The following HOXC6 variants were observed in gnomAD, a reference collection of about 807,000 sequenced individuals.
HOXC6 encodes homeobox protein Hox-C6.
HOXC6 carries 10 observed loss-of-function variants against 24.0 expected under a neutral mutation model. The observed-to-expected ratio is 0.42, with a 90% CI of 0.26 to 0.71. The LOEUF is 0.71. Ranked by LOEUF, HOXC6 falls within the 30% of genes least tolerant of loss-of-function variation. The pLI is 0.28. For missense variants in HOXC6, 258 were observed against 303.4 expected (o/e 0.85, Z 1.11); for synonymous variants, 123 against 128.1 (o/e 0.96, Z 0.27).
At chr12:54,021,510 A>C (rs1385375813) in intron 1 of HOXC6, 2 of 152,194 alleles carry the variant, frequency 1.3e-5, no homozygotes, top group African/African-American at 4.8e-5. Flanking sequence ...GGAAATATCA[A>C]TGTCAGTGGA....
At position 54,028,578 on chromosome 12, in the gene HOXC6, C is replaced by T; in HGVS notation, c.57C>T (p.Asp19=). 6.2e-7 allele frequency: 1 copy of T among 1,614,070 alleles called. No homozygotes were observed. The highest frequency in any genetic ancestry group is 8.5e-7 in the Non-Finnish European group (1 of 1,180,004). The change falls in exon 1 of 2, where the codon GAC becomes GAT. Residue 19 remains aspartate, a synonymous_variant. Transcript: ENST00000243108. ...SLSCHLAGGQ[D]VLPNVALNST... ...CCTGCCACCTCGCCGGGGGCCAGGA[C>T]GTCCTCCCCAACGTCGCCCTCAATT...
At chr12:54,024,879 CT>C (rs1332904102), upstream of HOXC6, among the ~76,000 whole-genome samples, 3 of 152,230 alleles carry the variant, frequency 2.0e-5, no homozygotes, top group African/African-American at 7.2e-5. Context: ...ATAATTAGCG[CT>C]ATCAAAAGCA....
upstream of HOXC6, among the ~76,000 whole-genome samples, chr12:54,024,047 T>C (rs1940569451): frequency 6.6e-6 from 1 of 152,246 alleles, no homozygotes. Context: ...AGTCTAATCA[T>C]AGACCAATCG....
At position 54,029,967 on chromosome 12, in the gene HOXC6, G is replaced by C; in HGVS notation, c.*5G>C. The C allele has an allele frequency of 1.3e-6, 2 of 1,538,780 alleles. No individual in the cohort carries two copies. The highest frequency in any genetic ancestry group is 1.8e-6 in the Non-Finnish European group (2 of 1,141,258). On this transcript the variant is annotated 3_prime_UTR_variant, in exon 2 of 2. Transcript: ENST00000243108. ...GAGGAGAAGCAGAAAGAGTGACCAG[G>C]ACTGTCCCTGCCACCCCTCTCTCCC...
chr12:54,020,435 C>T (rs1360162819), intron 1 of HOXC6: 1 of 152,248 alleles, frequency 6.6e-6, no homozygotes, highest in Non-Finnish European at 1.5e-5. Flanking sequence ...AACCCTTTCT[C>T]ACCCTGGTCT....
In HOXC6 at chr12:54,028,698, G is replaced by A. The variant is rs1940843553; in HGVS notation, c.177G>A (p.Glu59=). ...CGACTCCCTTTTATTCGCCACAGGA[G>A]AATGTCGTGTTCAGTTCCAGCCGGG... ...IYSTPFYSPQ[E]NVVFSSSRGP... Residue 59 remains glutamate (E), a synonymous_variant, in exon 1 of 2, where the codon GAG becomes GAA. Transcript: ENST00000243108. 2 of 1,613,968 alleles carry A rather than the reference G, an allele frequency of 1.2e-6. No homozygotes were observed. The highest frequency in any genetic ancestry group is 1.7e-6 in the Non-Finnish European group (2 of 1,180,018).
intron 1 of HOXC6, among the ~76,000 whole-genome samples, chr12:54,018,418 A>T (rs1193236553): frequency 1.3e-5 from 2 of 152,054 alleles, no homozygotes; most frequent in African/African-American, 4.8e-5. Context: ...AGAGTCTCCT[A>T]GGTGCTGTGG....
upstream of HOXC6, among the ~76,000 whole-genome samples, chr12:54,026,463 A>T (rs1940702001): frequency 6.6e-6 from 1 of 152,034 alleles, no homozygotes; most frequent in Non-Finnish European, 1.5e-5. Context: ...CTCATCTAAA[A>T]TTTTTTTTCT....
chr12:54,026,964 T>TG (rs71068201), upstream of HOXC6, among the ~76,000 whole-genome samples: 3,005 of 127,214 alleles, frequency 0.024, 54 homozygotes, highest in African/African-American at 0.058. Flanking sequence ...CCAAAAATGG[T>TG]GGGGGGGGGG....
chr12:54,018,346 C>CG (rs1193505424), intron 1 of HOXC6, among the ~76,000 whole-genome samples: 4 of 152,060 alleles, frequency 2.6e-5, no homozygotes, highest in East Asian at 1.9e-4. Flanking sequence ...TGCCTCGCCT[C>CG]GGGGGGAGGT....
chr12:54,018,585 C>G (rs1940274197), intron 1 of HOXC6, among the ~76,000 whole-genome samples: 1 of 152,224 alleles, frequency 6.6e-6, no homozygotes, highest in African/African-American at 2.4e-5. Context: ...AACACAGTGG[C>G]TTAATTTCTT....
At chr12:54,017,946 C>G (rs982420876) in intron 1 of HOXC6, among the ~76,000 whole-genome samples, 11 of 152,192 alleles carry the variant, frequency 7.2e-5, no homozygotes, top group Non-Finnish European at 1.3e-4. Flanking sequence ...AGAGCTCACA[C>G]ATGCGCAGTG....
intron 1 of HOXC6, chr12:54,022,161 C>T (rs1399336120): frequency 6.6e-6 from 1 of 152,140 alleles, no homozygotes; most frequent in Non-Finnish European, 1.5e-5. Context: ...AGCCCACCCC[C>T]ATCAACCCAG....
At chr12:54,025,837 C>G (rs10876527), upstream of HOXC6, among the ~76,000 whole-genome samples, 2,440 of 152,212 alleles carry the variant, frequency 0.016, 170 homozygotes, top group East Asian at 0.2. Flanking sequence ...CCTTTCCTCT[C>G]CAGACATGGT....
At chr12:54,025,371 T>C (rs1017198194), upstream of HOXC6, among the ~76,000 whole-genome samples, 1 of 152,108 alleles carries the variant, frequency 6.6e-6, no homozygotes, top group African/African-American at 2.4e-5. Context: ...TAACATGAAA[T>C]GGGAAAAAGA....
chr12:54,023,706 CTG>C (rs1278367821), upstream of HOXC6, among the ~76,000 whole-genome samples: 1 of 152,210 alleles, frequency 6.6e-6, no homozygotes, highest in African/African-American at 2.4e-5. Context: ...ATATCCATTT[CTG>C]TGTTAGGTGT....
chr12:54,029,301 G>A (rs1248867336), intron 1 of HOXC6, among the ~76,000 whole-genome samples: 1 of 152,162 alleles, frequency 6.6e-6, no homozygotes, highest in African/African-American at 2.4e-5. Flanking sequence ...TTGGGGAGAT[G>A]GGGGAGCCCA....
At chr12:54,028,246 CATATAT>C (rs147627891), upstream of HOXC6, 3,537 of 149,404 alleles carry the variant, frequency 0.024, 146 homozygotes, top group African/African-American at 0.091. Context: ...AGTTCCCTTA[CATATAT>C]ATATATATAT....
chr12:54,026,971 G>T (rs1470594073), upstream of HOXC6, among the ~76,000 whole-genome samples: 1 of 138,436 alleles, frequency 7.2e-6, no homozygotes, highest in Non-Finnish European at 1.6e-5. Flanking sequence ...TGGTGGGGGG[G>T]GGGGGATATG....
Sources: allele counts gnomAD v4.1 joint callset (sites outside exome capture counted in the v4.1 genomes callset), GRCh38; gene constraint gnomAD v4.1.1; transcripts MANE v1.5; gene names NCBI Gene and HGNC (gene_info 2026-07-23, HGNC 2026-07-21).